The following CNTLN variants were observed in gnomAD, a reference collection of about 807,000 sequenced individuals.
CNTLN encodes centlein, centrosomal protein.
CNTLN carries 212 observed loss-of-function variants against 180.0 expected under a neutral mutation model. That is an observed-to-expected ratio of 1.18 (90% CI 1.05 to 1.32). The LOEUF is 1.32. CNTLN is among the 40% of genes most tolerant of loss of function. The pLI is 0.00. For synonymous variants in CNTLN, 722 were observed against 563.1 expected, an observed-to-expected ratio of 1.28 and a Z score of -3.99; for missense variants, 2,095 against 1,610.9, an observed-to-expected ratio of 1.30 and a Z score of -5.14.
At chr9:17,264,199 C>A (rs1313834623) in intron 5 of CNTLN, among the ~76,000 whole-genome samples, 2 of 143,848 alleles carry the variant, frequency 1.4e-5, no homozygotes, top group Non-Finnish European at 3.0e-5. Context: ...AGTCTTTAAT[C>A]CATCTTGAAT....
chr9:17,357,140 T>C (rs1822911167), intron 12 of CNTLN, among the ~76,000 whole-genome samples: 1 of 152,158 alleles, frequency 6.6e-6, no homozygotes, highest in African/African-American at 2.4e-5. Context: ...TTATTTCATT[T>C]ACTATTTCTT....
At chr9:17,148,503 C>T (rs374765809) in intron 2 of CNTLN, among the ~76,000 whole-genome samples, 1 of 152,178 alleles carries the variant, frequency 6.6e-6, no homozygotes, top group African/African-American at 2.4e-5. Context: ...TTAACTCATG[C>T]CTGAACAAAG....
At chr9:17,369,223 T>G (rs1410889283) in intron 13 of CNTLN, among the ~76,000 whole-genome samples, 1 of 152,116 alleles carries the variant, frequency 6.6e-6, no homozygotes, top group Admixed American at 6.5e-5. Flanking sequence ...CACTTCTCCT[T>G]CCTGCTGCCT....
intron 23 of CNTLN, 122 bp from the exon 24 acceptor site, chr9:17,484,173 T>A: frequency 1.3e-6 from 1 of 789,280 alleles, no homozygotes; most frequent in Non-Finnish European, 2.0e-6. Context: ...TCCAGAGTAA[T>A]TAAAACCAGA....
intron 6 of CNTLN, among the ~76,000 whole-genome samples, chr9:17,297,489 G>T (rs1315090801): frequency 1.3e-5 from 2 of 152,120 alleles, no homozygotes; most frequent in African/African-American, 4.8e-5. Flanking sequence ...CACAACCACA[G>T]CAATCTGGAA....
chr9:17,523,960 T>C, the CNTLN span, among the ~76,000 whole-genome samples: 1 of 152,230 alleles, frequency 6.6e-6, no homozygotes, highest in Non-Finnish European at 1.5e-5. Context: ...TTTTCACTAA[T>C]AAATCTCTTG....
At chr9:17,336,359 G>A (rs1451025417) in intron 10 of CNTLN, among the ~76,000 whole-genome samples, 1 of 152,088 alleles carries the variant, frequency 6.6e-6, no homozygotes, top group African/African-American at 2.4e-5. Flanking sequence ...TTAAAATGAA[G>A]AAGTGTTTTT....
intron 1 of CNTLN, among the ~76,000 whole-genome samples, chr9:17,142,201 C>A (rs746362276): frequency 6.6e-6 from 1 of 151,972 alleles, no homozygotes; most frequent in Admixed American, 6.6e-5. Context: ...GCTTTGAATG[C>A]GGCCTAACAC....
In CNTLN at chr9:17,415,788, G is replaced by A. The variant is rs2133884077; in HGVS notation, c.2797G>A (p.Asp933Asn). 6.4e-7 allele frequency: 1 copy of A among 1,565,286 alleles called. No individual in the cohort carries two copies. The highest frequency in any genetic ancestry group is 8.8e-7 in the Non-Finnish European group (1 of 1,138,534). ...ATTTTTATGAAATCTTCAAATTTAG[G>A]ACTATTTTCATGATAAGAATGCCAA... ...YLNIDGKTPK[D>N]YFHDKNAKKP... Residue 933 changes from aspartate to asparagine, a missense_variant and splice_region_variant, in exon 17 of 26, where the codon GAC (aspartate) becomes AAC (asparagine). Coordinates refer to ENST00000380647, the MANE Select transcript of CNTLN (RefSeq NM_017738.4).
At chr9:17,189,156 C>G (rs1005246934) in intron 2 of CNTLN, among the ~76,000 whole-genome samples, 2 of 137,106 alleles carry the variant, frequency 1.5e-5, no homozygotes, top group African/African-American at 5.5e-5. Flanking sequence ...GATCTCGGCT[C>G]ACTGCAAGCT....
chr9:17,390,343 A>G (rs1826014375), intron 14 of CNTLN, among the ~76,000 whole-genome samples: 1 of 145,086 alleles, frequency 6.9e-6, no homozygotes, highest in Non-Finnish European at 1.5e-5. Flanking sequence ...GGTTCAAGCG[A>G]TTCTCGTGCC....
At chr9:17,157,742 T>C (rs1171157856) in intron 2 of CNTLN, among the ~76,000 whole-genome samples, 1 of 152,214 alleles carries the variant, frequency 6.6e-6, no homozygotes, top group Non-Finnish European at 1.5e-5. Context: ...ATGCCAGACA[T>C]GTATGTCATA....
At chr9:17,313,680 T>A (rs7864650) in intron 8 of CNTLN, among the ~76,000 whole-genome samples, 78,304 of 152,024 alleles carry the variant, frequency 0.52, 21,191 homozygotes, top group Non-Finnish European at 0.6. Flanking sequence ...TGGAAAAAAA[T>A]TTTGATGTTA....
intron 3 of CNTLN, among the ~76,000 whole-genome samples, chr9:17,226,966 G>T (rs1175485444): frequency 6.6e-6 from 1 of 151,404 alleles, no homozygotes; most frequent in African/African-American, 2.4e-5. Flanking sequence ...AAGTTCTAGG[G>T]TACATGTGCA....
chr9:17,240,168 C>T (rs558248844), intron 5 of CNTLN, among the ~76,000 whole-genome samples: 103 of 152,124 alleles, frequency 6.8e-4, no homozygotes, highest in Middle Eastern at 3.4e-3. Flanking sequence ...TATAAATTTG[C>T]ACTTCTTTGG....
chr9:17,156,408 T>C (rs1008429495), intron 2 of CNTLN, among the ~76,000 whole-genome samples: 7 of 152,188 alleles, frequency 4.6e-5, no homozygotes, highest in Non-Finnish European at 8.8e-5. Flanking sequence ...CTAATACCTT[T>C]TTTAAAAAAG....
At chr9:17,494,731 C>T (rs529552160) in intron 25 of CNTLN, among the ~76,000 whole-genome samples, 1 of 152,240 alleles carries the variant, frequency 6.6e-6, no homozygotes, top group Non-Finnish European at 1.5e-5. Context: ...CAACACATTA[C>T]TCTCGTTTGT....
chr9:17,189,687 A>C (rs947982003), intron 2 of CNTLN, among the ~76,000 whole-genome samples: 2 of 151,328 alleles, frequency 1.3e-5, no homozygotes, highest in Non-Finnish European at 2.9e-5. Context: ...GGGTTTCCCT[A>C]TGTTGGCCAG....
intron 8 of CNTLN, among the ~76,000 whole-genome samples, chr9:17,314,469 T>G (rs989973105): frequency 6.6e-6 from 1 of 152,192 alleles, no homozygotes; most frequent in Non-Finnish European, 1.5e-5. Context: ...GGCAGTGAAT[T>G]GCTTTTCGGT....
Sources: allele counts gnomAD v4.1 joint callset (sites outside exome capture counted in the v4.1 genomes callset), GRCh38; gene constraint gnomAD v4.1.1; transcripts MANE v1.5; gene names NCBI Gene and HGNC (gene_info 2026-07-23, HGNC 2026-07-21).